The following SSUH2 variants were observed in gnomAD, a reference collection of about 807,000 sequenced individuals.
SSUH2 encodes the protein ssu-2 homolog, also known as protein SSUH2 homolog.
A neutral mutation model predicts 55.3 loss-of-function variants in SSUH2; 47 were observed. The observed-to-expected ratio is 0.85, with a 90% CI of 0.67 to 1.08. The LOEUF (loss-of-function observed/expected upper bound fraction) is 1.08. Among genes scored for constraint, SSUH2 ranks in the 50% least tolerant of loss-of-function variants. The pLI is 0.00. For missense variants in SSUH2, 535 were observed against 490.7 expected (o/e 1.09, Z -0.85); for synonymous variants, 212 against 191.5 (o/e 1.11, Z -0.89).
intron 5 of SSUH2, among the ~76,000 whole-genome samples, chr3:8,670,277 C>G (rs11916523): frequency 1.3e-5 from 2 of 152,018 alleles, no homozygotes; most frequent in African/African-American, 4.8e-5. Flanking sequence ...GCCGACCTTA[C>G]AGATCACGTC....
chr3:8,645,614 G>T (rs1003060481), upstream of SSUH2, among the ~76,000 whole-genome samples: 2 of 152,110 alleles, frequency 1.3e-5, no homozygotes, highest in African/African-American at 2.4e-5. Flanking sequence ...CTGAACCTGG[G>T]GTTCTCTGGC....
At chr3:8,680,582 T>A (rs530919740) in intron 1 of SSUH2, among the ~76,000 whole-genome samples, 7 of 151,988 alleles carry the variant, frequency 4.6e-5, no homozygotes, top group Admixed American at 1.3e-4. Flanking sequence ...TTAGAAACAA[T>A]ATCAGTGAGG....
chr3:8,633,489 A>G (rs541349855), intron 4 of SSUH2, among the ~76,000 whole-genome samples, 177 bp downstream of exon 4: 26 of 152,256 alleles, frequency 1.7e-4, no homozygotes, highest in African/African-American at 5.8e-4. Flanking sequence ...TATCACTCAC[A>G]GCCACAGACA....
At chr3:8,641,207 C>T (rs1462559369) in intron 1 of SSUH2, among the ~76,000 whole-genome samples, 3 of 152,212 alleles carry the variant, frequency 2.0e-5, no homozygotes, top group Non-Finnish European at 4.4e-5. Context: ...TGTTGTTTTG[C>T]CAAACGGCTT....
chr3:8,636,306 C>T (rs901173165), intron 1 of SSUH2, among the ~76,000 whole-genome samples: 15 of 152,114 alleles, frequency 9.9e-5, no homozygotes, highest in Non-Finnish European at 2.1e-4. Flanking sequence ...GGCTATTATG[C>T]TGGAGGGACC....
At chr3:8,639,149 T>C (rs1700414989) in intron 1 of SSUH2, among the ~76,000 whole-genome samples, 2 of 152,190 alleles carry the variant, frequency 1.3e-5, no homozygotes. Flanking sequence ...CAGCAGGGAA[T>C]GTGGACGTCA....
intron 3 of SSUH2, among the ~76,000 whole-genome samples, chr3:8,676,920 T>G (rs1263860163): frequency 7.2e-6 from 1 of 139,282 alleles, no homozygotes; most frequent in Non-Finnish European, 1.6e-5. Flanking sequence ...CTTTCCCCCC[T>G]GGCTCTTAGG....
chr3:8,632,200 T>C, intron 4 of SSUH2, 91 bp from the exon 5 acceptor site: 1 of 1,102,254 alleles, frequency 9.1e-7, no homozygotes. Context: ...CTCCCAGGGC[T>C]CAGTGGGGAA....
At chr3:8,635,098 C>T (rs981486920) in intron 3 of SSUH2, among the ~76,000 whole-genome samples, 4 of 152,214 alleles carry the variant, frequency 2.6e-5, no homozygotes, top group Non-Finnish European at 5.9e-5. Context: ...TGGTTTTCAA[C>T]GCTGGCTTTG....
chr3:8,679,369 G>A (rs1205123611), intron 2 of SSUH2, among the ~76,000 whole-genome samples: 1 of 102,076 alleles, frequency 9.8e-6, no homozygotes, highest in East Asian at 3.2e-4. Context: ...TCGCATTGGC[G>A]GGAGGCATCC....
intron 10 of SSUH2, 30 bp from the exon 11 acceptor site, chr3:8,623,686 C>T (rs1423906635): frequency 8.1e-6 from 10 of 1,228,862 alleles, no homozygotes; most frequent in Non-Finnish European, 1.1e-5. Context: ...ACACAGACCA[C>T]CTGGCTGCCG....
chr3:8,677,112 A>C lies in SSUH2; in HGVS notation c.-753+94T>G, dbSNP rs1002270740. On this transcript the variant is annotated intron_variant, in intron 3 of 18. Coordinates refer to the SSUH2 transcript ENST00000317371. ...TTAGGACCCCCATCGCAGCGGGGAG[A>C]GATACCCCCCGCGAGGCAGGGACTG... 2.0e-5 allele frequency: 3 copies of C among 147,254 alleles called. 1 individual carries two copies. The highest frequency in any genetic ancestry group is 4.5e-5 in the Non-Finnish European group (3 of 67,226). 9.1% of individuals were successfully genotyped at this position (147,254 alleles called of 1,614,324 possible). A position where few individuals can be genotyped will look rare whatever the true frequency, so the allele number is the denominator to read the frequency against.
At chr3:8,663,787 G>A (rs1441948807) in exon 6 of SSUH2, 1 of 456,626 alleles carries the variant, frequency 2.2e-6, no homozygotes, top group East Asian at 6.9e-5. Context: ...AGGTACCACA[G>A]GGGACACACA....
intron 3 of SSUH2, among the ~76,000 whole-genome samples, chr3:8,674,368 AGGAGGAAG>A (rs1326208278): frequency 6.6e-6 from 1 of 152,194 alleles, no homozygotes; most frequent in Non-Finnish European, 1.5e-5. Flanking sequence ...GCCCCGGACA[AGGAGGAAG>A]GGGCCCGGCT....
intron 1 of SSUH2, among the ~76,000 whole-genome samples, chr3:8,681,651 T>A (rs2633863): frequency 6.9e-6 from 1 of 144,064 alleles, no homozygotes; most frequent in Non-Finnish European, 1.5e-5. Flanking sequence ...GCACCCCCCG[T>A]GCGATGGGGA....
At chr3:8,623,327 C>A (rs1052504405) in intron 11 of SSUH2, 10 of 521,160 alleles carry the variant, frequency 1.9e-5, no homozygotes, top group Admixed American at 1.7e-4. Flanking sequence ...AATAAAAATG[C>A]AAACTTCTCC....
chr3:8,625,689 C>G, intron 9 of SSUH2, 42 bp from the exon 10 acceptor site: 1 of 1,418,682 alleles, frequency 7.0e-7, no homozygotes, highest in Non-Finnish European at 1.0e-6. Context: ...CACAGTGTGG[C>G]AGGTTAAAAG....
intron 1 of SSUH2, among the ~76,000 whole-genome samples, chr3:8,636,260 T>C (rs1699909543): frequency 6.6e-6 from 1 of 152,294 alleles, no homozygotes; most frequent in South Asian, 2.1e-4. Flanking sequence ...TTCTGCCTCA[T>C]GGAGCATTTG....
chr3:8,678,290 G>A lies in SSUH2; in HGVS notation c.-900-937C>T, dbSNP rs555239718. Among the ~76,000 whole-genome samples the A allele has an allele frequency of 3.2e-4, 49 of 152,150 alleles. 2 individuals are homozygous for A. In the South Asian group the frequency reaches 8.3e-3, roughly 26 times the overall value. On this transcript the variant is annotated intron_variant, in intron 2 of 18. Coordinates refer to the SSUH2 transcript ENST00000317371. ...ATCAACCTCTCGGCCTTTGAATATT[G>A]GGAAGAATATCACAGGGTGGGTGTA...
Sources: gnomAD v4.1 joint callset for allele counts (sites outside exome capture counted in the v4.1 genomes callset) on GRCh38, gnomAD v4.1.1 for gene constraint, MANE v1.5 for transcripts, NCBI Gene and HGNC (gene_info 2026-07-23, HGNC 2026-07-21) for gene names.